PWWP4: variants seen among roughly 807,000 people sequenced by gnomAD.
PWWP4 encodes the protein putative PWWP domain-containing DNA repair factor 4.
At chrX:153,271,441 C>T (rs1486104185), upstream of PWWP4, among the ~76,000 whole-genome samples, 2 of 109,009 alleles carry the variant, frequency 1.8e-5, no homozygotes, top group Non-Finnish European at 3.8e-5. Flanking sequence ...AACACGAGTT[C>T]AAGTGCCTCA....
At chrX:153,266,365 A>G in the PWWP4 span, among the ~76,000 whole-genome samples, 1 of 96,132 alleles carries the variant, frequency 1.0e-5, no homozygotes, top group Non-Finnish European at 2.0e-5. Context: ...GTGTGTGGAC[A>G]TGTGTGTATG....
At chrX:153,266,380 T>C in the PWWP4 span, among the ~76,000 whole-genome samples, 10 of 101,286 alleles carry the variant, frequency 9.9e-5, no homozygotes, top group Middle Eastern at 4.9e-3. Flanking sequence ...TGTATGTGTG[T>C]GCGCGCGTGT....
upstream of PWWP4, among the ~76,000 whole-genome samples, chrX:153,270,212 C>CAGAG (rs1322132253): frequency 0.036 from 3,373 of 92,932 alleles, 86 homozygotes; most frequent in East Asian, 0.11. Flanking sequence ...CACACACACA[C>CAGAG]AGAGAGAGAG....
At chrX:153,271,500 G>A (rs2051806499), upstream of PWWP4, among the ~76,000 whole-genome samples, 1 of 108,091 alleles carries the variant, frequency 9.3e-6, no homozygotes, top group Non-Finnish European at 1.9e-5. Context: ...CACCCCCTTT[G>A]CAGTCTGAAG....
chrX:153,269,908 A>G (rs2051800898), upstream of PWWP4, among the ~76,000 whole-genome samples: 1 of 112,727 alleles, frequency 8.9e-6, no homozygotes, highest in African/African-American at 3.2e-5. Flanking sequence ...CAATGTATCC[A>G]GTTATGCTCT....
upstream of PWWP4, among the ~76,000 whole-genome samples, chrX:153,269,948 T>C (rs1386160996): frequency 2.7e-5 from 3 of 111,935 alleles, no homozygotes; most frequent in African/African-American, 9.7e-5. Context: ...GAAGATGATA[T>C]GTGCATGTGT....
chrX:153,267,225 C>T (rs2068586871), upstream of PWWP4, among the ~76,000 whole-genome samples: 1 of 99,787 alleles, frequency 1.0e-5, no homozygotes, highest in African/African-American at 4.2e-5. Context: ...TCTAAAGTTA[C>T]GTTGAAAGTT....
exon 1 of PWWP4, among the ~76,000 whole-genome samples, chrX:153,276,252 C>G (rs2051827404): frequency 1.2e-5 from 1 of 86,844 alleles, no homozygotes; most frequent in Non-Finnish European, 2.3e-5. Flanking sequence ...TGCGCAGTGA[C>G]AGCTCACCAG....
chrX:153,266,440 C>T, the PWWP4 span, among the ~76,000 whole-genome samples: 8 of 75,635 alleles, frequency 1.1e-4, no homozygotes, highest in Admixed American at 9.4e-4. Flanking sequence ...TGTGTGGATG[C>T]GTGTGCATGT....
chrX:153,271,555 G>A (rs1276332680), upstream of PWWP4, among the ~76,000 whole-genome samples: 17 of 108,075 alleles, frequency 1.6e-4, no homozygotes, highest in African/African-American at 6.0e-4. Context: ...AGAGACCTAC[G>A]GTAGCAGAGG....
At chrX:153,270,199 T>TCTCA (rs1556952259), upstream of PWWP4, among the ~76,000 whole-genome samples, 295 of 65,292 alleles carry the variant, frequency 4.5e-3, 3 homozygotes, top group Non-Finnish European at 7.3e-3. Context: ...TCTCTCTCTC[T>TCTCA]CACACACACA....
At chrX:153,269,977 C>T (rs1248149603), upstream of PWWP4, among the ~76,000 whole-genome samples, 5 of 110,772 alleles carry the variant, frequency 4.5e-5, no homozygotes, top group African/African-American at 9.9e-5. Flanking sequence ...ATTGGCGCAT[C>T]GGCAATGCCT....
chrX:153,269,783 C>T (rs1295648590), upstream of PWWP4, among the ~76,000 whole-genome samples: 2,419 of 105,655 alleles, frequency 0.023, no homozygotes, highest in Non-Finnish European at 0.032. Context: ...GTTGCATCTT[C>T]GGTGCACGTT....
upstream of PWWP4, among the ~76,000 whole-genome samples, chrX:153,270,081 TTTCATGTTA>T (rs2051801472): frequency 9.2e-6 from 1 of 108,721 alleles, no homozygotes; most frequent in Non-Finnish European, 1.9e-5. Flanking sequence ...TGCTAACCCA[TTTCATGTTA>T]TTTGAGAATC....
upstream of PWWP4, among the ~76,000 whole-genome samples, chrX:153,269,869 A>C (rs1268308752): frequency 8.9e-6 from 1 of 112,599 alleles, no homozygotes; most frequent in Non-Finnish European, 1.9e-5. Context: ...GTTCACACAA[A>C]TGAGGTAGGA....
upstream of PWWP4, among the ~76,000 whole-genome samples, chrX:153,271,188 G>A (rs1344709743): frequency 7.9e-5 from 9 of 114,457 alleles, no homozygotes; most frequent in African/African-American, 1.9e-4. Flanking sequence ...TCCTCAAGAC[G>A]GAATTGTTAA....
In PWWP4 at chrX:153,273,452, CT is replaced by C. The variant is rs782456151; in HGVS notation, c.1836del (p.Ile613LeufsTer23). On this transcript the variant is annotated frameshift_variant, in exon 1 of 1. Coordinates refer to ENST00000458091, the Ensembl canonical transcript of PWWP4. LOFTEE classifies it high-confidence loss of function. The stretch of plus-strand genomic sequence containing the variant: ...TCACGGGTGGGCATAGGCATTGCCC[CT>C]ATTGCAGATGCCCTGCGCCGTGACA... 6.7e-5 allele frequency among the ~76,000 whole-genome samples: 7 copies of C among 105,237 alleles called. No homozygotes were observed. In the South Asian group the frequency reaches 1.9e-3, roughly 29 times the overall value. The allele number at this position is 105,237 out of a possible 115,157, so 91.4% of individuals were successfully genotyped here.
exon 1 of PWWP4, among the ~76,000 whole-genome samples, chrX:153,275,714 C>CACCAGCGCA (rs2051824339): frequency 1.1e-4 from 10 of 94,090 alleles, no homozygotes; most frequent in African/African-American, 4.4e-4. Flanking sequence ...GGTGACAGCT[C>CACCAGCGCA]CCAGGTGCAC....
chrX:153,271,503 G>A (rs1162933246), upstream of PWWP4, among the ~76,000 whole-genome samples: 3 of 108,113 alleles, frequency 2.8e-5, no homozygotes, highest in Non-Finnish European at 3.8e-5. Context: ...CCCCTTTGCA[G>A]TCTGAAGGCA....
Sources: gnomAD v4.1 joint callset for allele counts (sites outside exome capture counted in the v4.1 genomes callset) on GRCh38, gnomAD v4.1.1 for gene constraint, MANE v1.5 for transcripts, NCBI Gene and HGNC (gene_info 2026-07-23, HGNC 2026-07-21) for gene names.